NXPE2: variants seen among roughly 807,000 people sequenced by gnomAD.
NXPE2 encodes NXPE family member 2.
Under a neutral mutation model 34.4 loss-of-function variants are expected in NXPE2, and 34 were observed. The ratio of observed to expected loss-of-function variants is 0.99; its 90% confidence interval spans 0.75 to 1.31. NXPE2 has a LOEUF of 1.31. Among genes scored for constraint, NXPE2 ranks in the 40% most tolerant of loss-of-function variants. NXPE2 has a pLI of 0.00. For synonymous variants in NXPE2, 235 were observed against 231.3 expected, an observed-to-expected ratio of 1.02 and a Z score of -0.15; for missense variants, 649 against 672.5, an observed-to-expected ratio of 0.97 and a Z score of 0.39.
At chr11:114,486,362 T>C in the NXPE2 span, among the ~76,000 whole-genome samples, 2 of 152,192 alleles carry the variant, frequency 1.3e-5, no homozygotes, top group African/African-American at 4.8e-5. Context: ...TATTTTCCTA[T>C]AGAGACATTT....
the NXPE2 span, chr11:114,522,444 C>T: frequency 1.2e-6 from 2 of 1,612,882 alleles, no homozygotes; most frequent in Non-Finnish European, 8.5e-7. Context: ...TGTCTTTCTG[C>T]ATCCAGAAGC....
the NXPE2 span, among the ~76,000 whole-genome samples, chr11:114,540,501 C>T: frequency 6.6e-6 from 1 of 152,080 alleles, no homozygotes; most frequent in African/African-American, 2.4e-5. Flanking sequence ...AGAATTGAAA[C>T]ACTGAGAAAT....
the NXPE2 span, among the ~76,000 whole-genome samples, chr11:114,713,818 C>A: frequency 6.6e-6 from 1 of 152,224 alleles, no homozygotes; most frequent in Non-Finnish European, 1.5e-5. Flanking sequence ...CTGCTGCTCT[C>A]ATAGGAGTAA....
At chr11:114,584,085 T>C in the NXPE2 span, 1 of 299,720 alleles carries the variant, frequency 3.3e-6, no homozygotes, top group African/African-American at 2.2e-5. Flanking sequence ...AATCTGATCA[T>C]CAAAGGGCAT....
chr11:114,696,259 T>G (rs1951250304), intron 2 of NXPE2, among the ~76,000 whole-genome samples: 1 of 141,082 alleles, frequency 7.1e-6, no homozygotes. Flanking sequence ...TGGAGCCTGG[T>G]AGGTCAAGGA....
chr11:114,482,947 G>C, the NXPE2 span, among the ~76,000 whole-genome samples: 2 of 152,024 alleles, frequency 1.3e-5, no homozygotes, highest in Non-Finnish European at 2.9e-5. Context: ...TCCTCCCACT[G>C]CTCCCAGCAT....
chr11:114,617,998 AACCAGTGTT>A, the NXPE2 span, among the ~76,000 whole-genome samples: 4 of 152,098 alleles, frequency 2.6e-5, no homozygotes, highest in South Asian at 8.3e-4. Flanking sequence ...CCTCGTGGGT[AACCAGTGTT>A]ACCCGCTGGA....
At chr11:114,731,897 A>G in the NXPE2 span, among the ~76,000 whole-genome samples, 1 of 152,204 alleles carries the variant, frequency 6.6e-6, no homozygotes, top group Admixed American at 6.5e-5. Context: ...GGTAAAGAAC[A>G]CACAGGATCT....
At chr11:114,521,723 A>T in the NXPE2 span, 1 of 425,828 alleles carries the variant, frequency 2.3e-6, no homozygotes, top group Non-Finnish European at 4.1e-6. Context: ...CATGGCTTTT[A>T]AAAAACTTTT....
chr11:114,627,886 C>A, the NXPE2 span, among the ~76,000 whole-genome samples: 1 of 151,510 alleles, frequency 6.6e-6, no homozygotes, highest in African/African-American at 2.4e-5. Flanking sequence ...TCTGATAAAA[C>A]AGACTTTAAA....
the NXPE2 span, among the ~76,000 whole-genome samples, chr11:114,547,353 A>G: frequency 6.6e-6 from 1 of 152,246 alleles, no homozygotes; most frequent in Non-Finnish European, 1.5e-5. Flanking sequence ...ACTAACATGG[A>G]AGGACAGTTT....
At chr11:114,476,037 T>G in the NXPE2 span, among the ~76,000 whole-genome samples, 1 of 152,206 alleles carries the variant, frequency 6.6e-6, no homozygotes, top group Non-Finnish European at 1.5e-5. Context: ...TTATATTGTA[T>G]GCAGTTACTC....
the NXPE2 span, among the ~76,000 whole-genome samples, chr11:114,622,822 C>T: frequency 1.3e-5 from 2 of 151,528 alleles, no homozygotes; most frequent in Admixed American, 6.6e-5. Flanking sequence ...GGTTACCACT[C>T]TTACCCAGTG....
At chr11:114,781,217 C>G in the NXPE2 span, among the ~76,000 whole-genome samples, 1 of 152,118 alleles carries the variant, frequency 6.6e-6, no homozygotes, top group Admixed American at 6.5e-5. Context: ...ACTAGCTTCC[C>G]CTACCTCCTG....
At chr11:114,720,162 C>G in the NXPE2 span, among the ~76,000 whole-genome samples, 1 of 152,006 alleles carries the variant, frequency 6.6e-6, no homozygotes, top group African/African-American at 2.4e-5. Flanking sequence ...TTTTAAGAAC[C>G]CCTTCAGGAA....
At chr11:114,740,224 T>C in the NXPE2 span, among the ~76,000 whole-genome samples, 2 of 152,192 alleles carry the variant, frequency 1.3e-5, no homozygotes. Context: ...TGTACTTTAC[T>C]CATCTATTTT....
chr11:114,513,189 C>T, the NXPE2 span: 1 of 547,798 alleles, frequency 1.8e-6, no homozygotes, highest in Non-Finnish European at 3.7e-6. Context: ...TGGTCTCTCA[C>T]CTCCAGCAGG....
intron 2 of NXPE2, among the ~76,000 whole-genome samples, chr11:114,687,047 C>A (rs914172473): frequency 6.6e-6 from 1 of 152,070 alleles, no homozygotes; most frequent in African/African-American, 2.4e-5. Flanking sequence ...TAAATATTTT[C>A]TACCATTCTG....
At chr11:114,663,276 T>C in the NXPE2 span, among the ~76,000 whole-genome samples, 2 of 152,182 alleles carry the variant, frequency 1.3e-5, no homozygotes, top group South Asian at 4.1e-4. Context: ...TCAGCCGCAG[T>C]ACAGTAGAAC....
Sources: gnomAD v4.1 joint callset for allele counts (sites outside exome capture counted in the v4.1 genomes callset) on GRCh38, gnomAD v4.1.1 for gene constraint, MANE v1.5 for transcripts, NCBI Gene and HGNC (gene_info 2026-07-23, HGNC 2026-07-21) for gene names.